Variants in GRB14 observed in about 807,000 individuals in gnomAD.
GRB14 encodes the protein growth factor receptor-bound protein 14.
In GRB14, 38 loss-of-function variants were observed where a neutral mutation model predicts 69.1. That is an observed-to-expected ratio of 0.55 (90% confidence interval 0.42 to 0.72). GRB14 has a LOEUF of 0.72. Ranked by LOEUF, GRB14 falls within the 30% of genes least tolerant of loss-of-function variation. The pLI, the probability that GRB14 is intolerant of heterozygous loss-of-function variation, is 0.00. For synonymous variants in GRB14, 247 were observed against 241.3 expected, an observed-to-expected ratio of 1.02 and a Z score of -0.22; for missense variants, 666 against 666.1, an observed-to-expected ratio of 1.00 and a Z score of 0.00.
chr2:164,599,612 G>A (rs556151345), intron 2 of GRB14, among the ~76,000 whole-genome samples: 1 of 152,300 alleles, frequency 6.6e-6, no homozygotes, highest in East Asian at 1.9e-4. Flanking sequence ...GTAACTAATA[G>A]AGAATTGATA....
At chr2:164,530,855 C>T (rs1323878126) in intron 3 of GRB14, among the ~76,000 whole-genome samples, 1 of 152,160 alleles carries the variant, frequency 6.6e-6, no homozygotes, top group Non-Finnish European at 1.5e-5. Context: ...ACAGGAATAA[C>T]ATGAACTAAC....
At chr2:164,576,321 A>G (rs186686413) in intron 2 of GRB14, among the ~76,000 whole-genome samples, 17 of 152,036 alleles carry the variant, frequency 1.1e-4, no homozygotes, top group African/African-American at 3.9e-4. Context: ...ATATATAAAT[A>G]GGGTAACATA....
chr2:164,521,902 T>C (rs1687642448), intron 6 of GRB14, 78 bp downstream of exon 6: 18 of 1,288,328 alleles, frequency 1.4e-5, no homozygotes, highest in Non-Finnish European at 1.1e-6. Flanking sequence ...AATAAAGTAA[T>C]AAATACAACA....
chr2:164,503,421 T>G (rs1355116115), intron 8 of GRB14, among the ~76,000 whole-genome samples: 1 of 112,970 alleles, frequency 8.9e-6, no homozygotes. Context: ...TCTAGCACAA[T>G]GGGTATATTT....
rs151221229 is a variant in GRB14, at chr2:164,528,177, G to A, written c.482-1042C>T. Among the ~76,000 whole-genome samples the A allele has an allele frequency of 1.4e-4, 22 of 152,176 alleles. No homozygotes were observed. The East Asian group carries it at 4.2e-3, about 29-fold the overall frequency. On this transcript the variant is annotated intron_variant, in intron 3 of 13. Transcript: ENST00000263915. The stretch of plus-strand genomic sequence containing the variant: ...ACATTAAGTAAGTGGGGGCATGAAC[G>A]GAATCACTGGGGTGAGTACAATACT...
intron 2 of GRB14, among the ~76,000 whole-genome samples, chr2:164,578,607 A>G (rs937867698): frequency 1.2e-4 from 18 of 152,212 alleles, no homozygotes; most frequent in South Asian, 4.2e-4. Context: ...GATACGAGAA[A>G]CATACATTAA....
At chr2:164,493,257 A>G in intron 13 of GRB14, 75 bp from the exon 14 acceptor site, 3 of 1,377,656 alleles carry the variant, frequency 2.2e-6, no homozygotes, top group Non-Finnish European at 3.0e-6. Flanking sequence ...ATTGCAAACT[A>G]TCTCCACATG....
At chr2:164,550,827 T>C (rs1688516038) in intron 2 of GRB14, among the ~76,000 whole-genome samples, 1 of 152,202 alleles carries the variant, frequency 6.6e-6, no homozygotes, top group African/African-American at 2.4e-5. Context: ...TTAAAAATTC[T>C]TCAGTGGTAC....
rs142719814 is a variant in GRB14, at chr2:164,584,432, T to C, written c.324+35255A>G. On this transcript the variant is annotated intron_variant, in intron 2 of 13. Coordinates refer to ENST00000263915, the MANE Select transcript of GRB14 (RefSeq NM_004490.3). ...CAGTTTTATCTTCCTATCTGCAAAA[T>C]GAGGTTTTTAAACAAAATTATCTTT... is the stretch of plus-strand genomic sequence containing the variant. Among the ~76,000 whole-genome samples, 534 of 152,144 alleles carry C rather than the reference T, an allele frequency of 3.5e-3. 8 individuals are homozygous for C. Among genetic ancestry groups the C allele is most frequent in the African/African-American group, 0.012 (492 of 41,530 alleles).
intron 2 of GRB14, among the ~76,000 whole-genome samples, chr2:164,577,504 G>A (rs534892949): frequency 2.3e-4 from 35 of 152,194 alleles, no homozygotes; most frequent in Non-Finnish European, 4.6e-4. Flanking sequence ...GCCATCATGT[G>A]AAGACATGCT....
chr2:164,556,947 T>C (rs961581107), intron 2 of GRB14, among the ~76,000 whole-genome samples: 12 of 152,050 alleles, frequency 7.9e-5, no homozygotes, highest in African/African-American at 1.2e-4. Flanking sequence ...AATTCCAAAA[T>C]GGTAGTGTTG....
chr2:164,542,208 G>A (rs1688259235), intron 3 of GRB14, among the ~76,000 whole-genome samples: 1 of 152,132 alleles, frequency 6.6e-6, no homozygotes, highest in Non-Finnish European at 1.5e-5. Context: ...ATGGTATTGG[G>A]AAAACTGGCT....
At chr2:164,620,516 A>AG (rs1276973379) in intron 1 of GRB14, among the ~76,000 whole-genome samples, 1 of 62,104 alleles carries the variant, frequency 1.6e-5, no homozygotes, top group Non-Finnish European at 3.6e-5. Context: ...TTTGAAAATC[A>AG]GGAAAAAAAA....
intron 2 of GRB14, among the ~76,000 whole-genome samples, chr2:164,570,784 G>C (rs1483774473): frequency 6.6e-6 from 1 of 152,094 alleles, no homozygotes; most frequent in Non-Finnish European, 1.5e-5. Flanking sequence ...TAAAATGAAC[G>C]CTTCAATTCA....
intron 3 of GRB14, among the ~76,000 whole-genome samples, chr2:164,544,400 T>A (rs1574291917): frequency 2.6e-5 from 4 of 151,976 alleles, no homozygotes; most frequent in Admixed American, 1.3e-4. Flanking sequence ...GTAGTGACTA[T>A]AACAAAAAAA....
intron 3 of GRB14, among the ~76,000 whole-genome samples, chr2:164,529,204 T>C (rs1687858722): frequency 2.0e-5 from 3 of 152,112 alleles, no homozygotes; most frequent in Non-Finnish European, 4.4e-5. Flanking sequence ...GTACCTAGAA[T>C]AGTCAAATTC....
intron 2 of GRB14, among the ~76,000 whole-genome samples, chr2:164,581,219 TA>T (rs1689395802): frequency 6.6e-6 from 1 of 152,194 alleles, no homozygotes; most frequent in Non-Finnish European, 1.5e-5. Context: ...GGAAGCTGAA[TA>T]ATTCCCCCGC....
At chr2:164,551,049 T>TA (rs1390787867) in intron 2 of GRB14, among the ~76,000 whole-genome samples, 1 of 152,196 alleles carries the variant, frequency 6.6e-6, no homozygotes, top group Non-Finnish European at 1.5e-5. Flanking sequence ...CCAGGCATCT[T>TA]AAAATCAGCC....
chr2:164,520,153 T>C (rs1687601459), intron 6 of GRB14, among the ~76,000 whole-genome samples: 1 of 152,066 alleles, frequency 6.6e-6, no homozygotes, highest in South Asian at 2.1e-4. Flanking sequence ...AAAGTACTGG[T>C]ATAAAAATAG....
Sources: gnomAD v4.1 joint callset for allele counts (sites outside exome capture counted in the v4.1 genomes callset) on GRCh38, gnomAD v4.1.1 for gene constraint, MANE v1.5 for transcripts, NCBI Gene and HGNC (gene_info 2026-07-23, HGNC 2026-07-21) for gene names.